The following DPP6 variants were observed in gnomAD, a reference collection of about 807,000 sequenced individuals.
DPP6 encodes dipeptidyl peptidase like 6, also known as A-type potassium channel modulatory protein DPP6.
In DPP6, 69 loss-of-function variants were observed where a neutral mutation model predicts 122.6. The observed-to-expected ratio is 0.56, with a 90% CI of 0.46 to 0.69. The LOEUF (loss-of-function observed/expected upper bound fraction) is 0.69. Ranked by LOEUF, DPP6 falls within the 30% of genes least tolerant of loss-of-function variation. The pLI, the probability that DPP6 is intolerant of heterozygous loss-of-function variation, is 0.00. For synonymous variants in DPP6, 418 were observed against 433.1 expected (o/e 0.97, Z 0.43); for missense variants, 928 against 1,116.9 (o/e 0.83, Z 2.41).
chr7:154,195,331 C>G, intron 1 of DPP6, among the ~76,000 whole-genome samples: 1 of 152,154 alleles, frequency 6.6e-6, no homozygotes, highest in Non-Finnish European at 1.5e-5. Flanking sequence ...TGGACGGTTA[C>G]AAGGGCCGCT....
intron 1 of DPP6, among the ~76,000 whole-genome samples, chr7:154,381,279 G>T (rs970146588): frequency 6.6e-6 from 1 of 152,162 alleles, no homozygotes. Flanking sequence ...CGCCTTAGGG[G>T]GTGCCTTTTA....
intron 6 of DPP6, among the ~76,000 whole-genome samples, chr7:154,667,478 A>AGGCCGAG (rs1838236822): frequency 6.6e-6 from 1 of 152,206 alleles, no homozygotes; most frequent in African/African-American, 2.4e-5. Context: ...CTGTAATTCC[A>AGGCCGAG]GCACTTTGGG....
intron 8 of DPP6, among the ~76,000 whole-genome samples, chr7:154,750,666 G>A (rs546812680): frequency 2.0e-5 from 3 of 152,326 alleles, no homozygotes; most frequent in Admixed American, 2.0e-4. Flanking sequence ...CCAGTCTCCA[G>A]TAACAGATAT....
intron 5 of DPP6, among the ~76,000 whole-genome samples, chr7:154,595,253 C>G (rs1048819701): frequency 2.0e-5 from 3 of 152,132 alleles, no homozygotes; most frequent in Admixed American, 1.3e-4. Context: ...CTGCACTCAG[C>G]CTTACCCTTT....
chr7:153,811,552 C>T, the DPP6 span, among the ~76,000 whole-genome samples: 14 of 152,146 alleles, frequency 9.2e-5, no homozygotes, highest in South Asian at 2.1e-4. Context: ...CTCTGCCAGT[C>T]GAAGGCATTG....
At chr7:153,864,672 T>C in the DPP6 span, among the ~76,000 whole-genome samples, 4 of 135,274 alleles carry the variant, frequency 3.0e-5, no homozygotes, top group Non-Finnish European at 6.3e-5. Flanking sequence ...ATAATAATAA[T>C]ACACACACAC....
At chr7:154,051,881 C>T (rs1484886800), upstream of DPP6, among the ~76,000 whole-genome samples, 1 of 151,280 alleles carries the variant, frequency 6.6e-6, no homozygotes, top group Non-Finnish European at 1.5e-5. Context: ...CGTCGTCCGA[C>T]CACCCCGCGC....
At chr7:154,638,391 A>G (rs566127325) in intron 6 of DPP6, among the ~76,000 whole-genome samples, 85 of 152,278 alleles carry the variant, frequency 5.6e-4, no homozygotes, top group African/African-American at 2.0e-3. Context: ...GGCAAGTGGT[A>G]TTAGTGCTGC....
intron 1 of DPP6, among the ~76,000 whole-genome samples, chr7:154,063,080 C>A (rs1358727060): frequency 7.6e-6 from 1 of 131,778 alleles, no homozygotes; most frequent in Non-Finnish European, 1.7e-5. Flanking sequence ...AGAGCTATCC[C>A]CTCTTCCGCC....
intron 8 of DPP6, among the ~76,000 whole-genome samples, chr7:154,756,825 A>G (rs1342630638): frequency 6.6e-6 from 1 of 151,982 alleles, no homozygotes; most frequent in Admixed American, 6.5e-5. Flanking sequence ...ATGAAGGCGC[A>G]TTAGGCCCGC....
At chr7:153,775,521 A>C in the DPP6 span, among the ~76,000 whole-genome samples, 1 of 151,762 alleles carries the variant, frequency 6.6e-6, no homozygotes, top group Non-Finnish European at 1.5e-5. Context: ...TAGTTACGAA[A>C]ATTATTTATT....
intron 1 of DPP6, among the ~76,000 whole-genome samples, chr7:154,343,069 T>C (rs1810070752): frequency 6.6e-6 from 1 of 152,232 alleles, no homozygotes; most frequent in Non-Finnish European, 1.5e-5. Flanking sequence ...GACTTGACCG[T>C]AGATTTGCTT....
chr7:153,891,224 A>T (rs192071512), intron 1 of DPP6, among the ~76,000 whole-genome samples: 3 of 148,560 alleles, frequency 2.0e-5, no homozygotes, highest in Non-Finnish European at 4.5e-5. Flanking sequence ...GGGTTTCGCC[A>T]TGTTAGCCAG....
chr7:154,532,909 A>G (rs943283280), intron 3 of DPP6, among the ~76,000 whole-genome samples: 1 of 152,200 alleles, frequency 6.6e-6, no homozygotes, highest in African/African-American at 2.4e-5. Context: ...AGGTCATGCA[A>G]GAATCCTCTG....
the DPP6 span, among the ~76,000 whole-genome samples, chr7:153,774,683 G>A: frequency 2.6e-5 from 4 of 152,260 alleles, no homozygotes; most frequent in Middle Eastern, 3.4e-3. Context: ...AATAAATAGG[G>A]GCCAGGTATG....
chr7:154,886,243 A>C (rs772753862), intron 22 of DPP6, among the ~76,000 whole-genome samples: 8 of 152,254 alleles, frequency 5.3e-5, no homozygotes, highest in Non-Finnish European at 8.8e-5. Context: ...CACGTGGCTC[A>C]GCTCTGCCTT....
intron 18 of DPP6, among the ~76,000 whole-genome samples, chr7:154,869,530 T>C (rs1230866645): frequency 6.6e-6 from 1 of 152,130 alleles, no homozygotes; most frequent in Non-Finnish European, 1.5e-5. Flanking sequence ...GACCGTGCAA[T>C]CCAGAGAAGA....
At chr7:154,334,159 G>A (rs906738243) in intron 1 of DPP6, among the ~76,000 whole-genome samples, 2 of 146,070 alleles carry the variant, frequency 1.4e-5, no homozygotes, top group Admixed American at 7.0e-5. Context: ...TTTGCATTTT[G>A]TTATTCGTTT....
chr7:154,247,330 G>A (rs75144351), intron 1 of DPP6, among the ~76,000 whole-genome samples: 5,940 of 152,118 alleles, frequency 0.039, 191 homozygotes, highest in East Asian at 0.14. Flanking sequence ...AAAAAGAATC[G>A]TCAAGTAACA....
Sources: allele counts gnomAD v4.1 joint callset (sites outside exome capture counted in the v4.1 genomes callset), GRCh38; gene constraint gnomAD v4.1.1; transcripts MANE v1.5; gene names NCBI Gene and HGNC (gene_info 2026-07-23, HGNC 2026-07-21).